The following PPP1R1C variants were observed in gnomAD, a reference collection of about 807,000 sequenced individuals.
The protein encoded by PPP1R1C is protein phosphatase 1 regulatory inhibitor subunit 1C.
PPP1R1C carries 15 observed loss-of-function variants against 17.4 expected under a neutral mutation model. The ratio of observed to expected loss-of-function variants is 0.86; its 90% CI spans 0.58 to 1.33. The LOEUF is 1.33. Among genes scored for constraint, PPP1R1C ranks in the 40% most tolerant of loss-of-function variants. The pLI, the probability that PPP1R1C is intolerant of heterozygous loss-of-function variation, is 0.00. For missense variants in PPP1R1C, 143 were observed against 130.0 expected, an observed-to-expected ratio of 1.10 and a Z score of -0.48; for synonymous variants, 35 against 43.1, an observed-to-expected ratio of 0.81 and a Z score of 0.73.
intron 2 of PPP1R1C, among the ~76,000 whole-genome samples, chr2:182,035,126 C>T (rs1015499627): frequency 1.4e-4 from 21 of 152,152 alleles, no homozygotes; most frequent in African/African-American, 4.8e-4. Context: ...TTAAATAGTT[C>T]TGTAGTCTTG....
At chr2:182,058,672 A>G (rs1045934740) in intron 2 of PPP1R1C, among the ~76,000 whole-genome samples, 4 of 152,228 alleles carry the variant, frequency 2.6e-5, no homozygotes, top group Middle Eastern at 3.4e-3. Flanking sequence ...TAATTCAGGA[A>G]TTTTACGTGG....
At chr2:182,085,182 G>T (rs1688593648) in intron 4 of PPP1R1C, among the ~76,000 whole-genome samples, 1 of 151,910 alleles carries the variant, frequency 6.6e-6, no homozygotes, top group African/African-American at 2.4e-5. Context: ...GATTTTCTAG[G>T]TATATAATCA....
rs112887923 is a variant in PPP1R1C, at chr2:181,972,246, T to C, written n.112-2973T>C. Among the ~76,000 whole-genome samples, 1,311 of 152,284 alleles carry C rather than the reference T, an allele frequency of 8.6e-3. 21 individuals carry two copies. The highest frequency in any genetic ancestry group is 0.03 in the African/African-American group (1,261 of 41,546). On this transcript the variant is annotated intron_variant and non_coding_transcript_variant, in intron 1 of 5. Coordinates refer to the PPP1R1C transcript ENST00000464264. ...TTTAGATATTCGAAGTCTTGGAAAG[T>C]TTAATACCTATGAATCATTTCTATA...
intron 2 of PPP1R1C, among the ~76,000 whole-genome samples, chr2:182,026,011 T>G (rs1378480715): frequency 7.4e-6 from 1 of 135,638 alleles, no homozygotes; most frequent in Non-Finnish European, 1.6e-5. Flanking sequence ...TGTCTTCTTT[T>G]GAGAAGTGTC....
intron 2 of PPP1R1C, among the ~76,000 whole-genome samples, chr2:182,025,037 C>G: frequency 6.7e-6 from 1 of 149,864 alleles, no homozygotes; most frequent in East Asian, 1.9e-4. Flanking sequence ...CACCCAATCT[C>G]TGCACATAAC....
At chr2:182,008,521 T>G (rs1184568070) in intron 2 of PPP1R1C, among the ~76,000 whole-genome samples, 1 of 152,206 alleles carries the variant, frequency 6.6e-6, no homozygotes, top group African/African-American at 2.4e-5. Flanking sequence ...ATGTAGTTTC[T>G]TTTTAGAAAT....
Position 181,962,293 on chromosome 2 carries a change from G to T in PPP1R1C, n.111+7659G>T. ...GACCCCCGGCCATCCCCGCGGCCAG[G>T]TCCCCGGACCCCATGCCACCCCGGA... is the stretch of plus-strand genomic sequence containing the variant. On this transcript the variant is annotated intron_variant and non_coding_transcript_variant, in intron 1 of 5. Coordinates refer to the PPP1R1C transcript ENST00000464264. The surrounding 1 kb of genome is among the most constrained non-coding windows in gnomAD (Gnocchi z 6.0). 1 of 769,286 alleles carries T rather than the reference G, an allele frequency of 1.3e-6. No individual in the cohort carries two copies. The highest frequency in any genetic ancestry group is 2.2e-6 in the Non-Finnish European group (1 of 447,834). 47.7% of individuals were successfully genotyped at this position (769,286 alleles called of 1,614,324 possible). A position where few individuals can be genotyped will look rare whatever the true frequency, so the allele number is the denominator to read the frequency against.
intron 4 of PPP1R1C, among the ~76,000 whole-genome samples, chr2:182,107,121 GCTTTC>G (rs1464878871): frequency 1.3e-5 from 2 of 152,160 alleles, no homozygotes; most frequent in Non-Finnish European, 2.9e-5. Context: ...ATAACAGTGG[GCTTTC>G]CTTAAATTCT....
In PPP1R1C at chr2:181,987,849, G is replaced by C; in HGVS notation, c.92G>C (p.Arg31Thr). 1.2e-6 allele frequency: 2 copies of C among 1,613,020 alleles called. No homozygotes were observed. Among genetic ancestry groups the C allele is most frequent in the Non-Finnish European group, 1.7e-6 (2 of 1,179,424 alleles). The change falls in exon 2 of 5, where the codon AGA becomes ACA. Residue 31 changes from arginine (R) to threonine (T), a missense_variant. Coordinates refer to ENST00000682840, the MANE Select transcript of PPP1R1C (RefSeq NM_001080545.3). ...APEAAEQIRK[R>T]RPTPASLVIL... ...TTTTGTCGTTCACAGATCAGGAAAA[G>C]AAGACCTACACCAGCATCACTTGTG...
intron 2 of PPP1R1C, among the ~76,000 whole-genome samples, chr2:182,045,439 A>G (rs1045484677): frequency 1.5e-5 from 1 of 68,668 alleles, no homozygotes; most frequent in Non-Finnish European, 3.3e-5. Flanking sequence ...TCTGTTAGTA[A>G]CAAAAAAAAA....
intron 2 of PPP1R1C, among the ~76,000 whole-genome samples, chr2:182,015,123 G>A (rs1016370702): frequency 3.3e-5 from 5 of 152,130 alleles, no homozygotes; most frequent in Non-Finnish European, 5.9e-5. Flanking sequence ...GAAGGAGTCC[G>A]ATATGGTTTG....
At chr2:182,025,996 A>G (rs1686597448) in intron 2 of PPP1R1C, among the ~76,000 whole-genome samples, 1 of 138,130 alleles carries the variant, frequency 7.2e-6, no homozygotes, top group East Asian at 2.1e-4. Context: ...TTTTGGCTGC[A>G]TAAATGTCTT....
intron 2 of PPP1R1C, among the ~76,000 whole-genome samples, chr2:182,014,890 C>A (rs1229430452): frequency 6.6e-6 from 1 of 152,038 alleles, no homozygotes; most frequent in Non-Finnish European, 1.5e-5. Context: ...CCCAAGGACT[C>A]TTTAGTCAGC....
intron 2 of PPP1R1C, among the ~76,000 whole-genome samples, chr2:182,002,972 A>G (rs1363648711): frequency 1.5e-5 from 2 of 129,336 alleles, no homozygotes; most frequent in Non-Finnish European, 3.2e-5. Context: ...ACTGTCATCA[A>G]CTATTATATT....
chr2:181,987,812 T>C (rs1241112593), intron 1 of PPP1R1C, 27 bp from the exon 2 acceptor site: 4 of 1,612,334 alleles, frequency 2.5e-6, no homozygotes, highest in Non-Finnish European at 3.4e-6. Context: ...TACTCACTGA[T>C]ATTAGCTGGG....
At chr2:182,034,472 A>G (rs1686939933) in intron 2 of PPP1R1C, among the ~76,000 whole-genome samples, 1 of 152,180 alleles carries the variant, frequency 6.6e-6, no homozygotes, top group Admixed American at 6.5e-5. Context: ...TGTTTGAGGA[A>G]CAAAAAGAAG....
Position 182,086,191 on chromosome 2 carries a change from C to G in PPP1R1C, c.241+22400C>G, listed in dbSNP as rs575181400. Among the ~76,000 whole-genome samples, 20 of 152,058 alleles carry G rather than the reference C, an allele frequency of 1.3e-4. 1 individual carries two copies. The highest frequency in any genetic ancestry group is 1.0e-3 in the South Asian group (5 of 4,828). On this transcript the variant is annotated intron_variant, in intron 4 of 4. Transcript: ENST00000682840. Reference sequence around the variant, plus strand: ...AAGAAGTAGAAAAAAATGTTATCATCATTATATCAAGAGCTGTCACAAGTT... The same window carrying G: ...AAGAAGTAGAAAAAAATGTTATCATGATTATATCAAGAGCTGTCACAAGTT...
intron 4 of PPP1R1C, among the ~76,000 whole-genome samples, chr2:182,114,797 C>T (rs189938991): frequency 4.6e-5 from 7 of 152,126 alleles, no homozygotes; most frequent in East Asian, 1.9e-4. Context: ...TTTGTCCAAG[C>T]GAGTGATTTT....
Position 182,057,438 on chromosome 2 carries a change from G to A in PPP1R1C, c.143-4004G>A, listed in dbSNP as rs1287159241. 2.6e-5 allele frequency among the ~76,000 whole-genome samples: 4 copies of A among 152,166 alleles called. No individual in the cohort carries two copies. The East Asian group carries it at 7.7e-4, about 29-fold the overall frequency. On this transcript the variant is annotated intron_variant, in intron 2 of 4. Transcript: ENST00000682840. ...AGGGATAGTAGTATTTGGTATGAGG[G>A]CAGGAGTTTTCTGGATATGGGGAAT...
Sources: gnomAD v4.1 joint callset for allele counts (sites outside exome capture counted in the v4.1 genomes callset) on GRCh38, gnomAD v4.1.1 for gene constraint, Gnocchi (gnomAD v3.1) non-coding constraint, MANE v1.5 for transcripts, NCBI Gene and HGNC (gene_info 2026-07-23, HGNC 2026-07-21) for gene names.